Variants in UGT1A6 observed in about 807,000 individuals in gnomAD.
UGT1A6 encodes the protein UDP glucuronosyltransferase family 1 member A6.
UGT1A6 carries 32 observed loss-of-function variants against 44.4 expected under a neutral mutation model. That is an observed-to-expected ratio of 0.72 (90% CI 0.54 to 0.97). The LOEUF is 0.97. Among genes scored for constraint, UGT1A6 ranks in the 50% least tolerant of loss-of-function variants. UGT1A6 has a pLI of 0.00. For missense variants in UGT1A6, 685 were observed against 661.9 expected (o/e 1.03, Z -0.38); for synonymous variants, 238 against 248.5 (o/e 0.96, Z 0.40).
At chr2:233,756,696 A>G (rs1696298484) in intron 1 of UGT1A6, among the ~76,000 whole-genome samples, 1 of 152,182 alleles carries the variant, frequency 6.6e-6, no homozygotes, top group African/African-American at 2.4e-5. Flanking sequence ...ATGACGATGA[A>G]TTTTGGGGGG....
Position 233,746,095 on chromosome 2 carries a change from T to C in UGT1A6, c.862-20939T>C, listed in dbSNP as rs1329833739. On this transcript the variant is annotated intron_variant, in intron 1 of 4. Coordinates refer to ENST00000305139, the MANE Select transcript of UGT1A6 (RefSeq NM_001072.4). Reference sequence around the variant, plus strand: ...GAGGAGTCACTTCTATACAGAAACATGTCCAGAGTGCTTACTGTCTGCAAA... The same window carrying C: ...GAGGAGTCACTTCTATACAGAAACACGTCCAGAGTGCTTACTGTCTGCAAA... Among the ~76,000 whole-genome samples the C allele has an allele frequency of 2.0e-5, 3 of 151,920 alleles. No homozygotes were observed. The East Asian group carries it at 5.8e-4, about 29-fold the overall frequency.
intron 1 of UGT1A6, 112 bp from the exon 2 acceptor site, chr2:233,766,922 G>C (rs955173337): frequency 6.4e-7 from 1 of 1,559,654 alleles, no homozygotes; most frequent in Non-Finnish European, 8.6e-7. Flanking sequence ...TCTCAAACAC[G>C]CATGCCTTTA....
At chr2:233,726,581 C>T (rs2077543368) in intron 1 of UGT1A6, among the ~76,000 whole-genome samples, 1 of 152,182 alleles carries the variant, frequency 6.6e-6, no homozygotes, top group Non-Finnish European at 1.5e-5. Flanking sequence ...GTCTCCTTCA[C>T]TTGTAAGAGC....
At position 233,725,077 on chromosome 2, in the gene UGT1A6, C is replaced by G. The variant is rs1449718817; in HGVS notation, c.861+31212C>G. On this transcript the variant is annotated intron_variant, in intron 1 of 4. Coordinates refer to ENST00000305139, the MANE Select transcript of UGT1A6 (RefSeq NM_001072.4). ...CGGCGCGCGCCTGCAATCGCAGGCACTCGGCAGGCTGAGGCAGGAGAATCA... is the reference window on the plus strand; with the variant it reads ...CGGCGCGCGCCTGCAATCGCAGGCAGTCGGCAGGCTGAGGCAGGAGAATCA... Among the ~76,000 whole-genome samples, 16 of 140,498 alleles carry G rather than the reference C, an allele frequency of 1.1e-4. 1 individual carries two copies. The highest frequency in any genetic ancestry group is 4.2e-4 in the African/African-American group (16 of 38,284). The allele number at this position is 140,498 out of a possible 152,430, so 92.2% of individuals were successfully genotyped here.
intron 1 of UGT1A6, chr2:233,719,497 C>T (rs774203287): frequency 1.2e-6 from 2 of 1,613,882 alleles, no homozygotes; most frequent in African/African-American, 2.7e-5. Flanking sequence ...ATTTGCCATA[C>T]TTTTTCTGCC....
At chr2:233,767,365 A>C (rs559747453) in intron 2 of UGT1A6, among the ~76,000 whole-genome samples, 200 bp downstream of exon 2, 45 of 152,316 alleles carry the variant, frequency 3.0e-4, no homozygotes, top group Non-Finnish European at 4.4e-4. Flanking sequence ...ATACTCTATT[A>C]AACTATGATC....
Position 233,769,516 on chromosome 2 carries a change from G to C in UGT1A6, c.1301+1077G>C. 1 of 1,612,814 alleles carries C rather than the reference G, an allele frequency of 6.2e-7. No individual in the cohort carries two copies. Reference sequence around the variant, plus strand: ...GAGAGTGTCCATTGCTTTCTCCCATGGTTACCTCCTTTAGAAAGAAGCAGC... The same window carrying C: ...GAGAGTGTCCATTGCTTTCTCCCATCGTTACCTCCTTTAGAAAGAAGCAGC... On this transcript the variant is annotated intron_variant, in intron 4 of 4. Coordinates refer to ENST00000305139, the MANE Select transcript of UGT1A6 (RefSeq NM_001072.4). The surrounding 1 kb of genome is among the most constrained non-coding windows in gnomAD (Gnocchi z 4.4).
intron 1 of UGT1A6, among the ~76,000 whole-genome samples, chr2:233,749,024 T>C (rs1310542743): frequency 6.6e-6 from 1 of 151,748 alleles, no homozygotes; most frequent in East Asian, 1.9e-4. Flanking sequence ...CCAGAATATT[T>C]GGGGTTCATT....
At chr2:233,726,812 C>T (rs1441076374) in intron 1 of UGT1A6, among the ~76,000 whole-genome samples, 1 of 152,118 alleles carries the variant, frequency 6.6e-6, no homozygotes, top group Non-Finnish European at 1.5e-5. Flanking sequence ...GGAGGTTTTC[C>T]TCTATTCGAC....
chr2:233,763,154 G>A (rs1698249397), intron 1 of UGT1A6, among the ~76,000 whole-genome samples: 1 of 152,232 alleles, frequency 6.6e-6, no homozygotes, highest in Non-Finnish European at 1.5e-5. Flanking sequence ...AAAAGTCTAA[G>A]TGGTGAACTG....
intron 1 of UGT1A6, among the ~76,000 whole-genome samples, chr2:233,720,190 G>A (rs1402744128): frequency 1.3e-5 from 2 of 152,210 alleles, no homozygotes; most frequent in Non-Finnish European, 2.9e-5. Context: ...TTGAGTGGAA[G>A]TGGGGCTGTG....
chr2:233,743,938 A>T (rs754327674), intron 1 of UGT1A6: 2 of 1,356,166 alleles, frequency 1.5e-6, no homozygotes, highest in Admixed American at 1.9e-5. Context: ...AGAACGGCCC[A>T]CCAGGCACTG....
At chr2:233,764,961 TG>T (rs1172324167) in intron 1 of UGT1A6, among the ~76,000 whole-genome samples, 1 of 152,020 alleles carries the variant, frequency 6.6e-6, no homozygotes, top group Non-Finnish European at 1.5e-5. Context: ...GGGCTCACCT[TG>T]GGAGAAGGAT....
chr2:233,740,484 TC>T (rs1034882349), intron 1 of UGT1A6, among the ~76,000 whole-genome samples: 1 of 151,900 alleles, frequency 6.6e-6, no homozygotes, highest in African/African-American at 2.4e-5. Flanking sequence ...CATTCCCTCT[TC>T]CAGATGCTTT....
At chr2:233,718,198 T>C (rs545354446) in intron 1 of UGT1A6, among the ~76,000 whole-genome samples, 1 of 152,168 alleles carries the variant, frequency 6.6e-6, no homozygotes, top group African/African-American at 2.4e-5. Flanking sequence ...TCCCCGGAGC[T>C]TTTTTTTATA....
At chr2:233,719,240 C>A in intron 1 of UGT1A6, 8 of 1,614,156 alleles carry the variant, frequency 5.0e-6, no homozygotes, top group African/African-American at 1.3e-5. Flanking sequence ...TGATCAGGCA[C>A]CTGAATGCTA....
intron 1 of UGT1A6, among the ~76,000 whole-genome samples, chr2:233,697,644 T>A (rs1311012882): frequency 6.6e-6 from 1 of 152,120 alleles, no homozygotes; most frequent in Admixed American, 6.5e-5. Flanking sequence ...CTTTTTTAGT[T>A]CCTTGAGGTG....
At chr2:233,746,322 CTA>C (rs780402376) in intron 1 of UGT1A6, among the ~76,000 whole-genome samples, 9 of 151,756 alleles carry the variant, frequency 5.9e-5, no homozygotes, top group Non-Finnish European at 1.0e-4. Flanking sequence ...TGTAGATGAT[CTA>C]CAGGGCAATG....
At chr2:233,748,086 G>A (rs1376410311) in intron 1 of UGT1A6, 37 of 1,612,904 alleles carry the variant, frequency 2.3e-5, no homozygotes, top group Non-Finnish European at 2.9e-5. Context: ...TCAGGTCGGT[G>A]TTCGTGCCTT....
Sources: gnomAD v4.1 joint callset for allele counts (sites outside exome capture counted in the v4.1 genomes callset) on GRCh38, gnomAD v4.1.1 for gene constraint, Gnocchi (gnomAD v3.1) non-coding constraint, MANE v1.5 for transcripts, NCBI Gene and HGNC (gene_info 2026-07-23, HGNC 2026-07-21) for gene names.